ELMO1: variants seen among roughly 807,000 people sequenced by gnomAD.
ELMO1 encodes the protein engulfment and cell motility 1, also known as engulfment and cell motility protein 1.
ELMO1 carries 26 observed loss-of-function variants against 98.9 expected under a neutral mutation model. The observed-to-expected ratio is 0.26, with a 90% CI of 0.19 to 0.36. ELMO1 has a LOEUF of 0.36. Among genes scored for constraint, ELMO1 ranks in the 10% least tolerant of loss-of-function variants. The pLI, the probability that ELMO1 is intolerant of heterozygous loss-of-function variation, is 1.00. For missense variants in ELMO1, 627 were observed against 935.2 expected (o/e 0.67, Z 4.30); for synonymous variants, 346 against 346.0 (o/e 1.00, Z 0.00).
At chr7:36,987,546 G>T (rs1434846202) in intron 16 of ELMO1, among the ~76,000 whole-genome samples, 3 of 152,110 alleles carry the variant, frequency 2.0e-5, no homozygotes, top group Non-Finnish European at 4.4e-5. Context: ...TTCCTTAAAG[G>T]TCTCTGCAAG....
intron 10 of ELMO1, among the ~76,000 whole-genome samples, chr7:37,220,334 T>C (rs1393165138): frequency 6.6e-6 from 1 of 152,234 alleles, no homozygotes; most frequent in Admixed American, 6.5e-5. Context: ...TTGTAGGTAT[T>C]TTTTAGAGCT....
rs139514619 is a variant in ELMO1, at chr7:37,037,799, A to C, written c.1301-24364T>G. Reference sequence around the variant, plus strand: ...CATTTTGTCTGAATGAATGATACTGAGATGCACACACAGACACGTGAATGT... The same window carrying C: ...CATTTTGTCTGAATGAATGATACTGCGATGCACACACAGACACGTGAATGT... On this transcript the variant is annotated intron_variant, in intron 15 of 21. Coordinates refer to ENST00000310758, the MANE Select transcript of ELMO1 (RefSeq NM_014800.11). Among the ~76,000 whole-genome samples, 728 of 152,298 alleles carry C rather than the reference A, an allele frequency of 4.8e-3. 4 individuals carry two copies. Among genetic ancestry groups the C allele is most frequent in the African/African-American group, 0.017 (710 of 41,546 alleles).
chr7:37,105,746 CAAAA>C (rs1447693623), intron 14 of ELMO1, among the ~76,000 whole-genome samples: 2 of 151,976 alleles, frequency 1.3e-5, no homozygotes, highest in Non-Finnish European at 2.9e-5. Flanking sequence ...TGAAAGTAGA[CAAAA>C]AAGAAATAAA....
chr7:37,009,506 C>G (rs928959901), intron 16 of ELMO1, among the ~76,000 whole-genome samples: 4 of 152,206 alleles, frequency 2.6e-5, no homozygotes, highest in African/African-American at 4.8e-5. Context: ...CATTAACTAC[C>G]AAGCACTAGA....
At chr7:37,158,835 C>T (rs978155321) in intron 13 of ELMO1, among the ~76,000 whole-genome samples, 1 of 152,196 alleles carries the variant, frequency 6.6e-6, no homozygotes, top group Non-Finnish European at 1.5e-5. Context: ...AATCATGCTG[C>T]TATAAAGACC....
chr7:37,005,967 C>T (rs1793097190), intron 16 of ELMO1, among the ~76,000 whole-genome samples: 1 of 152,168 alleles, frequency 6.6e-6, no homozygotes, highest in Admixed American at 6.5e-5. Context: ...GGGTAATTAC[C>T]TATTCCCATC....
At chr7:37,188,487 T>TTA (rs1318399531) in intron 13 of ELMO1, among the ~76,000 whole-genome samples, 4 of 32,048 alleles carry the variant, frequency 1.2e-4, no homozygotes, top group Non-Finnish European at 2.9e-4. Flanking sequence ...TGGAGAAAGG[T>TTA]AAAAAAAAAA....
chr7:36,895,098 C>A, intron 16 of ELMO1, 81 bp from the exon 17 acceptor site: 1 of 1,528,956 alleles, frequency 6.5e-7, no homozygotes, highest in South Asian at 1.2e-5. Context: ...TAAGGGCTCC[C>A]TGCTTCCCTG....
At chr7:37,287,897 A>G (rs1037799064) in intron 4 of ELMO1, among the ~76,000 whole-genome samples, 11 of 152,064 alleles carry the variant, frequency 7.2e-5, no homozygotes, top group African/African-American at 2.4e-4. Flanking sequence ...TTCTTTTCCT[A>G]CAATGCTAGG....
chr7:37,316,044 TTATC>T (rs764212472), intron 2 of ELMO1, 84 bp from the exon 3 acceptor site: 22 of 1,094,086 alleles, frequency 2.0e-5, no homozygotes, highest in Non-Finnish European at 2.1e-5. Context: ...CATAAAAAGA[TTATC>T]TAAGCAAAGA....
chr7:37,436,857 A>AC (rs1294253835), intron 1 of ELMO1, among the ~76,000 whole-genome samples: 2 of 152,222 alleles, frequency 1.3e-5, no homozygotes, highest in Admixed American at 1.3e-4. Context: ...ATGGGGCCAC[A>AC]CTGGGTCTGT....
chr7:37,152,629 G>A (rs1197779344), intron 13 of ELMO1, among the ~76,000 whole-genome samples: 3 of 152,150 alleles, frequency 2.0e-5, no homozygotes. Flanking sequence ...ATTTAGAAAT[G>A]GTGGGAAGCA....
intron 6 of ELMO1, among the ~76,000 whole-genome samples, chr7:37,245,671 C>T (rs1299502927): frequency 2.0e-5 from 3 of 152,004 alleles, no homozygotes; most frequent in East Asian, 1.9e-4. Context: ...ATTGGCAGCA[C>T]GCAAGGGCCA....
chr7:37,020,296 T>C (rs142372181), intron 15 of ELMO1, among the ~76,000 whole-genome samples: 3 of 152,238 alleles, frequency 2.0e-5, no homozygotes, highest in Admixed American at 6.5e-5. Flanking sequence ...TTGTAGAACT[T>C]AGAGAGTCTG....
At chr7:37,162,459 C>A (rs959026600) in intron 13 of ELMO1, among the ~76,000 whole-genome samples, 4 of 152,202 alleles carry the variant, frequency 2.6e-5, no homozygotes, top group Admixed American at 2.6e-4. Context: ...AAGTCTAAGT[C>A]ATGCACAGGC....
chr7:37,437,114 A>G (rs1468323354), intron 1 of ELMO1, among the ~76,000 whole-genome samples: 8 of 152,194 alleles, frequency 5.3e-5, no homozygotes, highest in Admixed American at 4.6e-4. Context: ...CAACATAATC[A>G]TATGAAACCC....
At chr7:37,380,380 C>T (rs767133994) in intron 1 of ELMO1, among the ~76,000 whole-genome samples, 39 of 152,270 alleles carry the variant, frequency 2.6e-4, no homozygotes, top group Admixed American at 1.2e-3. Flanking sequence ...CAGTATAGTA[C>T]CTGGCTACAT....
At chr7:37,348,531 T>C (rs951019999) in intron 1 of ELMO1, among the ~76,000 whole-genome samples, 5 of 152,182 alleles carry the variant, frequency 3.3e-5, no homozygotes, top group African/African-American at 4.8e-5. Flanking sequence ...AAGTGGTGTG[T>C]TTATAGTTGA....
At chr7:37,132,545 TCTC>T (rs1269613694) in intron 14 of ELMO1, among the ~76,000 whole-genome samples, 1 of 152,164 alleles carries the variant, frequency 6.6e-6, no homozygotes, top group Admixed American at 6.5e-5. Flanking sequence ...ATTCATTTAT[TCTC>T]CATGCCAGCA....
Sources: allele counts gnomAD v4.1 joint callset (sites outside exome capture counted in the v4.1 genomes callset), GRCh38; gene constraint gnomAD v4.1.1; transcripts MANE v1.5; gene names NCBI Gene and HGNC (gene_info 2026-07-23, HGNC 2026-07-21).